Variants in DDX54 observed in about 807,000 individuals in gnomAD.
DDX54 encodes ATP-dependent RNA helicase DDX54.
DDX54 carries 67 observed loss-of-function variants against 105.5 expected under a neutral mutation model. The ratio of observed to expected loss-of-function variants is 0.64; its 90% CI spans 0.52 to 0.78. The LOEUF (loss-of-function observed/expected upper bound fraction) is 0.78, where lower values mean the gene tolerates loss of function less well. Among genes scored for constraint, DDX54 ranks in the 30% least tolerant of loss-of-function variants. The probability of loss-of-function intolerance (pLI) is 0.00; values close to 1 mark genes in which losing one functional copy is unlikely to be tolerated. For synonymous variants in DDX54, 514 were observed against 509.9 expected (o/e 1.01, Z -0.11); for missense variants, 1,206 against 1,230.5 (o/e 0.98, Z 0.30).
In DDX54 at chr12:113,174,929, C is replaced by T. The variant is rs774523889; in HGVS notation, c.882G>A (p.Thr294=). 2.7e-5 allele frequency: 43 copies of T among 1,613,164 alleles called. No individual in the cohort carries two copies. Among genetic ancestry groups the T allele is most frequent in the Non-Finnish European group, 3.5e-5 (41 of 1,179,680 alleles). ...LLVEFARAGL[T]EPVLIRLDVD... ...CGTCAAGCCGGATGAGCACGGGCTC[C>T]GTGAGGCCTGCAGGAGACATGGGGG... is the stretch of plus-strand genomic sequence containing the variant. Residue 294 remains threonine, a synonymous_variant, in exon 9 of 20, where the codon ACG becomes ACA. Transcript: ENST00000306014.
At chr12:113,177,649 G>A (rs777820076) in intron 5 of DDX54, among the ~76,000 whole-genome samples, 5 of 152,116 alleles carry the variant, frequency 3.3e-5, no homozygotes, top group Non-Finnish European at 5.9e-5. Context: ...CAAACTCTCC[G>A]AGAATCAAGA....
intron 2 of DDX54, 144 bp downstream of exon 2, chr12:113,180,785 G>T: frequency 7.2e-7 from 1 of 1,380,508 alleles, no homozygotes; most frequent in Non-Finnish European, 9.9e-7. Flanking sequence ...AGAAGGCCCT[G>T]AATGACTGGA....
chr12:113,183,442 TGA>T (rs752899663), intron 1 of DDX54, among the ~76,000 whole-genome samples: 2 of 152,280 alleles, frequency 1.3e-5, no homozygotes, highest in Non-Finnish European at 2.9e-5. Context: ...GGCTGGAAGA[TGA>T]GAGAGGGACA....
At position 113,163,380 on chromosome 12, in the gene DDX54, C is replaced by T. The variant is rs1592998500; in HGVS notation, c.1939-106G>A. 6.8e-7 allele frequency: 1 copy of T among 1,474,680 alleles called. No homozygotes were observed. The highest frequency in any genetic ancestry group is 1.4e-5 in the African/African-American group (1 of 71,078). The allele number at this position is 1,474,680 out of a possible 1,614,324, so 91.3% of individuals were successfully genotyped here. Reference sequence around the variant, plus strand: ...GGCCACAGTGAGGGGCCAGTGGCTTCTCGGGGACTTTCAAAGCTTCATTTT... The same window carrying T: ...GGCCACAGTGAGGGGCCAGTGGCTTTTCGGGGACTTTCAAAGCTTCATTTT... On this transcript the variant is annotated intron_variant, in intron 15 of 19. Transcript: ENST00000306014. This position sits in a 1 kb window ranked among gnomAD's most constrained non-coding sequence, Gnocchi z 5.9.
intron 12 of DDX54, among the ~76,000 whole-genome samples, chr12:113,166,666 C>T (rs1952280744): frequency 6.6e-6 from 1 of 151,920 alleles, no homozygotes; most frequent in Non-Finnish European, 1.5e-5. Flanking sequence ...GGTGCCACTG[C>T]ACTCCAGCCT....
In DDX54 at chr12:113,164,161, T is replaced by G. The variant is rs1349746668; in HGVS notation, c.1844A>C (p.Gln615Pro). ...CGGGGCTGGGCCCACTGGGCCCTCC[T>G]GCTGCTCCTGCCGCCCCTGCTGTCC... The part of the protein sequence containing the change: ...QQGQQGRQEQ[Q>P]EGPVGPAPSR... The change falls in exon 15 of 20, where the codon CAG (glutamine) becomes CCG (proline). Residue 615 changes from glutamine (Q) to proline (P), a missense_variant. Gln to Pro is a moderately conservative substitution (Grantham distance 76, BLOSUM62 -1). Around this residue, in one of 3 missense-constraint regions of DDX54, gnomAD observed 961 missense variants for 1,019.1 expected, o/e 0.94. Transcript: ENST00000306014. 6.4e-7 allele frequency: 1 copy of G among 1,555,794 alleles called. No individual in the cohort carries two copies. Among genetic ancestry groups the G allele is most frequent in the Non-Finnish European group, 8.7e-7 (1 of 1,150,692 alleles).
intron 12 of DDX54, chr12:113,168,082 C>T (rs1273754673): frequency 1.3e-5 from 5 of 384,848 alleles, no homozygotes; most frequent in Admixed American, 3.0e-5. Context: ...CTGCACAGGC[C>T]GCCCCCCACC....
Position 113,158,778 on chromosome 12 carries a change from A to C in DDX54, c.*99T>G. 2.3e-6 allele frequency: 3 copies of C among 1,302,386 alleles called. No homozygotes were observed. Among genetic ancestry groups the C allele is most frequent in the Non-Finnish European group, 3.1e-6 (3 of 958,616 alleles). The allele number at this position is 1,302,386 out of a possible 1,614,324, so 80.7% of individuals were successfully genotyped here. A position where few individuals can be genotyped will look rare whatever the true frequency, so the allele number is the denominator to read the frequency against. ...GATGGCTCCTGCAGGGAGTGCCCCC[A>C]GTGCCCAGCACAGGGCCAGGCACAC... On this transcript the variant is annotated 3_prime_UTR_variant, in exon 20 of 20. Transcript: ENST00000306014. The surrounding 1 kb of genome is among the most constrained non-coding windows in gnomAD (Gnocchi z 4.9).
At chr12:113,161,868 TC>T in intron 18 of DDX54, 24 bp downstream of exon 18, 1 of 1,341,160 alleles carries the variant, frequency 7.5e-7, no homozygotes, top group Non-Finnish European at 9.8e-7. Context: ...GCCCCGCCCC[TC>T]CCCAGCCACG....
chr12:113,174,493 A>C (rs1952375065), intron 10 of DDX54, 147 bp downstream of exon 10: 1 of 1,266,292 alleles, frequency 7.9e-7, no homozygotes. Context: ...TCTCAAAAAA[A>C]TAAAAAATAA....
chr12:113,177,265 G>C, intron 5 of DDX54, 172 bp from the exon 6 acceptor site: 1 of 663,164 alleles, frequency 1.5e-6, no homozygotes, highest in South Asian at 2.1e-5. Flanking sequence ...GCCCTGACAA[G>C]AGATACAAGC....
Position 113,161,312 on chromosome 12 carries a change from G to A in DDX54, c.2371C>T (p.Arg791Ter). The change falls in exon 19 of 20, where the codon CGA (arginine) becomes TGA (stop). Residue 791 changes from arginine to a stop codon, truncating the protein, a stop_gained. Coordinates refer to ENST00000306014, the MANE Select transcript of DDX54 (RefSeq NM_024072.4). LOFTEE classifies it high-confidence loss of function. ...DSDEEGASDRRGPERRGGKRD... is the reference protein window; with the variant it reads ...DSDEEGASDR ...TTCCCACCTCTTCGCTCTGGGCCTC[G>A]CCGGTCAGATGCCCCTTCTTCGTCC... The A allele has an allele frequency of 1.9e-6, 3 of 1,613,442 alleles. No homozygotes were observed. Among genetic ancestry groups the A allele is most frequent in the Non-Finnish European group, 2.5e-6 (3 of 1,179,720 alleles).
chr12:113,173,699 A>G (rs1952364562), intron 10 of DDX54, among the ~76,000 whole-genome samples: 1 of 152,198 alleles, frequency 6.6e-6, no homozygotes, highest in Admixed American at 6.5e-5. Flanking sequence ...CAAACAAACC[A>G]CATACTAAAA....
At chr12:113,180,038 G>A in intron 2 of DDX54, 33 bp from the exon 3 acceptor site, 1 of 1,610,510 alleles carries the variant, frequency 6.2e-7, no homozygotes, top group Non-Finnish European at 8.5e-7. Context: ...AGGGGGCCGA[G>A]GGAGTCCCCA....
At chr12:113,180,037 A>G (rs749105746) in intron 2 of DDX54, 32 bp from the exon 3 acceptor site, 1 of 1,611,406 alleles carries the variant, frequency 6.2e-7, no homozygotes, top group Non-Finnish European at 8.5e-7. Flanking sequence ...CAGGGGGCCG[A>G]GGGAGTCCCC....
In DDX54 at chr12:113,158,992, C is replaced by T. The variant is rs750083509; in HGVS notation, c.2531G>A (p.Arg844His). The T allele has an allele frequency of 1.9e-5, 31 of 1,611,386 alleles. No individual in the cohort carries two copies. The highest frequency in any genetic ancestry group is 1.2e-4 in the South Asian group (11 of 90,698). The change falls in exon 20 of 20, where the codon CGT (arginine) becomes CAT (histidine). Residue 844 changes from arginine (R) to histidine (H), a missense_variant. By Grantham distance (29) the Arg-to-His change is conservative. Transcript: ENST00000306014. This position sits in a 1 kb window ranked among gnomAD's most constrained non-coding sequence, Gnocchi z 4.9. ...GGCAGAGAGCTGCTTGAGGCCACCA[C>T]GCTGCAGGAAGTGCAGCTTCTGGGC... ...RRAQKLHFLQ[R>H]GGLKQLSARN...
Position 113,172,561 on chromosome 12 carries a change from C to A in DDX54, c.1071G>T (p.Leu357=). ...TKHHAEYLTE[L]LTTQRVSCAH... is the part of the protein sequence containing the mutation. ...CGCAGCTCACCCGCTGGGTCGTCAGCAGCTGCTCAGAGCAAAGATGGTAGC... is the reference window on the plus strand; with the variant it reads ...CGCAGCTCACCCGCTGGGTCGTCAGAAGCTGCTCAGAGCAAAGATGGTAGC... Residue 357 remains leucine, a splice_region_variant and synonymous_variant, in exon 11 of 20, where the codon CTG becomes CTT. Transcript: ENST00000306014. 6.2e-7 allele frequency: 1 copy of A among 1,614,004 alleles called. No individual in the cohort carries two copies. The highest frequency in any genetic ancestry group is 8.5e-7 in the Non-Finnish European group (1 of 1,180,016).
chr12:113,181,191 T>C, intron 1 of DDX54, 133 bp from the exon 2 acceptor site: 1 of 1,140,580 alleles, frequency 8.8e-7, no homozygotes, highest in Non-Finnish European at 1.2e-6. Context: ...ACGTCACTTT[T>C]TTGCTAGTAA....
At chr12:113,169,465 T>C (rs1441414030) in intron 12 of DDX54, among the ~76,000 whole-genome samples, 2 of 151,206 alleles carry the variant, frequency 1.3e-5, no homozygotes, top group South Asian at 2.1e-4. Flanking sequence ...AAAAATACAA[T>C]AAAAAATTTG....
Sources: gnomAD v4.1 joint callset for allele counts (sites outside exome capture counted in the v4.1 genomes callset) on GRCh38, gnomAD v4.1.1 for gene constraint, gnomAD v4.1.1 regional missense constraint, Gnocchi (gnomAD v3.1) non-coding constraint, MANE v1.5 for transcripts, NCBI Gene and HGNC (gene_info 2026-07-23, HGNC 2026-07-21) for gene names.